TSPAN3: variants seen among roughly 807,000 people sequenced by gnomAD.
TSPAN3 encodes the protein tetraspanin-3.
In TSPAN3, 9 loss-of-function variants were observed where a neutral mutation model predicts 31.1. The ratio of observed to expected loss-of-function variants is 0.29; its 90% CI spans 0.17 to 0.50. TSPAN3 has a LOEUF of 0.50. Among genes scored for constraint, TSPAN3 ranks in the 20% least tolerant of loss-of-function variants. The probability of loss-of-function intolerance (pLI) is 0.98; values close to 1 mark genes in which losing one functional copy is unlikely to be tolerated. For missense variants in TSPAN3, 252 were observed against 313.5 expected (o/e 0.80, Z 1.48); for synonymous variants, 129 against 114.3 (o/e 1.13, Z -0.82).
At chr15:77,062,365 C>G (rs1310314471) in intron 1 of TSPAN3, among the ~76,000 whole-genome samples, 1 of 152,204 alleles carries the variant, frequency 6.6e-6, no homozygotes, top group Non-Finnish European at 1.5e-5. Context: ...AACACAACTA[C>G]TTCTTATGTA....
At chr15:77,060,242 C>T (rs77914136) in intron 1 of TSPAN3, among the ~76,000 whole-genome samples, 2,579 of 152,298 alleles carry the variant, frequency 0.017, 75 homozygotes, top group African/African-American at 0.059. Flanking sequence ...TGAAACTATA[C>T]ACATCAAATT....
intron 1 of TSPAN3, among the ~76,000 whole-genome samples, chr15:77,056,996 T>C (rs77821663): frequency 0.017 from 2,533 of 152,306 alleles, 75 homozygotes; most frequent in African/African-American, 0.057. Flanking sequence ...GTGCAGCTTC[T>C]TCTTGGAGCG....
chr15:77,053,484 A>G (rs1349514252), intron 4 of TSPAN3, among the ~76,000 whole-genome samples: 1 of 138,904 alleles, frequency 7.2e-6, no homozygotes, highest in Non-Finnish European at 1.5e-5. Context: ...AAAAAAAAAA[A>G]AAAAAAAAAA....
At position 77,042,370 on chromosome 15, in the gene TSPAN3, C is replaced by T. The variant is rs1186683663; in HGVS notation, c.*4465G>A. The T allele has an allele frequency of 3.3e-5, 5 of 152,240 alleles. 1 individual carries two copies. The South Asian group carries it at 8.3e-4, about 25-fold the overall frequency. The allele number at this position is 152,240 out of a possible 1,614,324, so 9.4% of individuals were successfully genotyped here. ...AGGACAAGAAGCAAAGACACCCCAG[C>T]TGCAATAAGCACACCTAGTGCCAGG... is the stretch of plus-strand genomic sequence containing the variant. On this transcript the variant is annotated 3_prime_UTR_variant, in exon 7 of 7. Transcript: ENST00000267970.
At position 77,054,285 on chromosome 15, in the gene TSPAN3, T is replaced by A. The variant is rs1295148567; in HGVS notation, c.331-6A>T. ...CGATCAACCTCATTTTCCACCTGAA[T>A]CAGAACAAAGAATTCAGTCCCTCAA... is the stretch of plus-strand genomic sequence containing the variant. On this transcript the variant is annotated splice_polypyrimidine_tract_variant and splice_region_variant and intron_variant, in intron 3 of 6. Coordinates refer to ENST00000267970, the MANE Select transcript of TSPAN3 (RefSeq NM_005724.6). 7 of 1,605,202 alleles carry A rather than the reference T, an allele frequency of 4.4e-6. No homozygotes were observed. The highest frequency in any genetic ancestry group is 6.0e-6 in the Non-Finnish European group (7 of 1,172,404).
At position 77,062,400 on chromosome 15, in the gene TSPAN3, T is replaced by C. The variant is rs969217555; in HGVS notation, c.64-6145A>G. ...AAGTCCACTACCTGAATATATCATT[T>C]ACTCTCCTACCAACTCTCAAGGAAA... is the stretch of plus-strand genomic sequence containing the variant. On this transcript the variant is annotated intron_variant, in intron 1 of 6. Transcript: ENST00000267970. Among the ~76,000 whole-genome samples the C allele has an allele frequency of 5.3e-5, 8 of 152,352 alleles. No homozygotes were observed. The South Asian group carries it at 1.7e-3, about 32-fold the overall frequency.
At chr15:77,052,277 C>T in intron 6 of TSPAN3, 108 bp downstream of exon 6, 2 of 942,024 alleles carry the variant, frequency 2.1e-6, no homozygotes, top group South Asian at 1.4e-5. Flanking sequence ...GTCACTTCCA[C>T]ATTACCTACA....
Position 77,067,908 on chromosome 15 carries a change from G to A in TSPAN3, c.63+2984C>T, listed in dbSNP as rs1349287499. Reference sequence around the variant, plus strand: ...TTGTCCTAACATCACAGTCTCTAGAGTATGGGACAACCTGGGTTTGAACGC... The same window carrying A: ...TTGTCCTAACATCACAGTCTCTAGAATATGGGACAACCTGGGTTTGAACGC... On this transcript the variant is annotated intron_variant, in intron 1 of 6. Coordinates refer to ENST00000267970, the MANE Select transcript of TSPAN3 (RefSeq NM_005724.6). 2.6e-5 allele frequency: 4 copies of A among 152,298 alleles called. No individual in the cohort carries two copies. In the East Asian group the frequency reaches 7.7e-4, roughly 29 times the overall value. 9.4% of individuals were successfully genotyped at this position (152,298 alleles called of 1,614,324 possible). A position where few individuals can be genotyped will look rare whatever the true frequency, so the allele number is the denominator to read the frequency against.
intron 1 of TSPAN3, among the ~76,000 whole-genome samples, chr15:77,056,846 T>C (rs1183024328): frequency 2.0e-5 from 3 of 152,210 alleles, no homozygotes; most frequent in African/African-American, 7.2e-5. Context: ...AAGTCCTCTA[T>C]CAATTCTTTA....
At chr15:77,051,560 A>G (rs2076731151) in intron 6 of TSPAN3, among the ~76,000 whole-genome samples, 1 of 151,634 alleles carries the variant, frequency 6.6e-6, no homozygotes, top group Non-Finnish European at 1.5e-5. Flanking sequence ...AAAGAAAAGA[A>G]AGCATAAGCT....
chr15:77,053,399 G>T (rs922636438), intron 4 of TSPAN3, among the ~76,000 whole-genome samples: 1 of 126,716 alleles, frequency 7.9e-6, no homozygotes, highest in Non-Finnish European at 1.6e-5. Flanking sequence ...AGTGAGCCAA[G>T]ATCGCGCCAC....
intron 3 of TSPAN3, 118 bp from the exon 4 acceptor site, chr15:77,054,397 C>T (rs1192645621): frequency 7.2e-6 from 5 of 695,766 alleles, no homozygotes; most frequent in Non-Finnish European, 1.2e-5. Flanking sequence ...CTATGAATTT[C>T]CTGTAAAGTT....
chr15:77,054,172 G>C lies in TSPAN3; in HGVS notation c.432+6C>G. 1 of 1,610,574 alleles carries C rather than the reference G, an allele frequency of 6.2e-7. No homozygotes were observed. The highest frequency in any genetic ancestry group is 8.5e-7 in the Non-Finnish European group (1 of 1,177,004). ...TCAAAAACAAATCTGCCTCAAGAAA[G>C]CTCACCTGTCTCTGTACATAATCAA... is the stretch of plus-strand genomic sequence containing the variant. On this transcript the variant is annotated splice_donor_region_variant and intron_variant, in intron 4 of 6. Transcript: ENST00000267970.
chr15:77,053,950 G>A (rs746238719), intron 4 of TSPAN3, among the ~76,000 whole-genome samples: 1 of 152,100 alleles, frequency 6.6e-6, no homozygotes, highest in Non-Finnish European at 1.5e-5. Context: ...ACAGACTGGG[G>A]TCAGGGAAGG....
At chr15:77,054,525 G>C (rs2076755230) in intron 3 of TSPAN3, 1 of 259,110 alleles carries the variant, frequency 3.9e-6, no homozygotes, top group South Asian at 7.7e-5. Context: ...AGAAGATTGT[G>C]TGCAAAATGG....
rs919579729 is a variant in TSPAN3, at chr15:77,041,816, G to C, written c.*5019C>G. 1.4e-4 allele frequency: 22 copies of C among 152,204 alleles called. No individual in the cohort carries two copies. Among genetic ancestry groups the C allele is most frequent in the African/African-American group, 5.3e-4 (22 of 41,442 alleles). 9.4% of individuals were successfully genotyped at this position (152,204 alleles called of 1,614,324 possible). ...ACAGGCAGTGGTTCTATAGCATGGT[G>C]AATGTACTCAAGGCAACTTCTTTAC... is the stretch of plus-strand genomic sequence containing the variant. On this transcript the variant is annotated 3_prime_UTR_variant, in exon 7 of 7. Transcript: ENST00000267970.
chr15:77,067,749 CTT>C (rs890905250), intron 1 of TSPAN3: 22 of 152,196 alleles, frequency 1.4e-4, no homozygotes, highest in African/African-American at 5.3e-4. Context: ...CTCATAATGA[CTT>C]AATTCAAAAC....
chr15:77,055,159 C>G (rs369000822), intron 3 of TSPAN3: 1 of 152,088 alleles, frequency 6.6e-6, no homozygotes, highest in African/African-American at 2.4e-5. Context: ...TTTACCATGC[C>G]TCTAAAATTA....
In TSPAN3 at chr15:77,043,456, T is replaced by G. The variant is rs939612951; in HGVS notation, c.*3379A>C. On this transcript the variant is annotated 3_prime_UTR_variant, in exon 7 of 7. Coordinates refer to ENST00000267970, the MANE Select transcript of TSPAN3 (RefSeq NM_005724.6). ...CCCACTGTGGGGCAGATGGGCATTGTGTGCCTCGAGATGCGATGCCCTGAG... is the reference window on the plus strand; with the variant it reads ...CCCACTGTGGGGCAGATGGGCATTGGGTGCCTCGAGATGCGATGCCCTGAG... 6.6e-6 allele frequency: 1 copy of G among 152,206 alleles called. No individual in the cohort carries two copies. Among genetic ancestry groups the G allele is most frequent in the East Asian group, 1.9e-4 (1 of 5,202 alleles). 9.4% of individuals were successfully genotyped at this position (152,206 alleles called of 1,614,324 possible). A position where few individuals can be genotyped will look rare whatever the true frequency, so the allele number is the denominator to read the frequency against.
Sources: allele counts gnomAD v4.1 joint callset (sites outside exome capture counted in the v4.1 genomes callset), GRCh38; gene constraint gnomAD v4.1.1; transcripts MANE v1.5; gene names NCBI Gene and HGNC (gene_info 2026-07-23, HGNC 2026-07-21).